The following KCNG1 variants were observed in gnomAD, a reference collection of about 807,000 sequenced individuals.
The protein encoded by KCNG1 is potassium voltage-gated channel modifier subfamily G member 1, also known as voltage-gated potassium channel regulatory subunit KCNG1.
Under a neutral mutation model 32.4 loss-of-function variants are expected in KCNG1, and 17 were observed. The observed-to-expected ratio is 0.52, with a 90% CI of 0.36 to 0.79. The LOEUF (loss-of-function observed/expected upper bound fraction) is 0.79, where lower values mean the gene tolerates loss of function less well. Among genes scored for constraint, KCNG1 ranks in the 30% least tolerant of loss-of-function variants. The pLI, the probability that KCNG1 is intolerant of heterozygous loss-of-function variation, is 0.00. For missense variants in KCNG1, 441 were observed against 735.2 expected, an observed-to-expected ratio of 0.60 and a Z score of 4.63; for synonymous variants, 358 against 339.9, an observed-to-expected ratio of 1.05 and a Z score of -0.59.
Position 51,004,959 on chromosome 20 carries a change from CCGAGGCCTGG to C in KCNG1, c.775-163_775-154del. 2.9e-6 allele frequency: 2 copies of C among 681,422 alleles called. No homozygotes were observed. The highest frequency in any genetic ancestry group is 2.4e-5 in the South Asian group (1 of 42,148). 42.2% of individuals were successfully genotyped at this position (681,422 alleles called of 1,614,324 possible). A position where few individuals can be genotyped will look rare whatever the true frequency, so the allele number is the denominator to read the frequency against. ...GGTCCTCTCCCTAGTTGTGCCCACTCCGAGGCCTGGGGCACTAAGCACCATCTCTACACTG... is the reference window on the plus strand; with the variant it reads ...GGTCCTCTCCCTAGTTGTGCCCACTCGGCACTAAGCACCATCTCTACACTG... On this transcript the variant is annotated intron_variant, in intron 2 of 2. Coordinates refer to ENST00000371571, the MANE Select transcript of KCNG1 (RefSeq NM_002237.4). The surrounding 1 kb of genome is among the most constrained non-coding windows in gnomAD (Gnocchi z 4.3).
chr20:51,017,490 C>A (rs995842576), intron 1 of KCNG1, among the ~76,000 whole-genome samples: 1 of 152,190 alleles, frequency 6.6e-6, no homozygotes, highest in African/African-American at 2.4e-5. Context: ...GATGAGACAG[C>A]CTGGCACAGG....
In KCNG1 at chr20:51,023,006, G is replaced by C. The variant is rs1988538322; in HGVS notation, c.-163C>G. On this transcript the variant is annotated 5_prime_UTR_variant, in exon 1 of 3. Coordinates refer to ENST00000371571, the MANE Select transcript of KCNG1 (RefSeq NM_002237.4). ...CCCGGGGAGCCCGCTCTGCCTCCCG[G>C]AGCCGCCGCCAAACTTCGGTCCCGG... is the stretch of plus-strand genomic sequence containing the variant. 6.6e-6 allele frequency: 1 copy of C among 152,264 alleles called. No homozygotes were observed. Among genetic ancestry groups the C allele is most frequent in the Non-Finnish European group, 1.5e-5 (1 of 68,098 alleles). The allele number at this position is 152,264 out of a possible 1,614,324, so 9.4% of individuals were successfully genotyped here. A position where few individuals can be genotyped will look rare whatever the true frequency, so the allele number is the denominator to read the frequency against.
chr20:51,016,964 C>A (rs1988302233), intron 1 of KCNG1, among the ~76,000 whole-genome samples: 1 of 152,178 alleles, frequency 6.6e-6, no homozygotes, highest in African/African-American at 2.4e-5. Flanking sequence ...TGCCCTGTGA[C>A]CCAGGAATCC....
intron 1 of KCNG1, among the ~76,000 whole-genome samples, chr20:51,011,341 T>A (rs1185018324): frequency 6.6e-6 from 1 of 152,210 alleles, no homozygotes; most frequent in Non-Finnish European, 1.5e-5. Flanking sequence ...AATTAACTTT[T>A]TTTTTTTTGG....
At chr20:51,009,047 T>C (rs140858000) in intron 2 of KCNG1, among the ~76,000 whole-genome samples, 1 of 152,278 alleles carries the variant, frequency 6.6e-6, no homozygotes, top group Non-Finnish European at 1.5e-5. Flanking sequence ...CATTCTCTTA[T>C]GTAACAAAAA....
chr20:51,021,922 A>G (rs1281395292), intron 1 of KCNG1, among the ~76,000 whole-genome samples: 7 of 152,052 alleles, frequency 4.6e-5, no homozygotes, highest in Non-Finnish European at 1.0e-4. Context: ...TCTAGAACCA[A>G]TTCCAGCTTC....
In KCNG1 at chr20:51,010,186, C is replaced by G; in HGVS notation, c.153G>C (p.Glu51Asp). ...RRAQRLRPQD[E>D]PRQGCQPEDR... ...CCTCGGGCTGACAGCCCTGGCGGGGCTCATCCTGCGGCCGCAGCCGCTGCG... is the reference window on the plus strand; with the variant it reads ...CCTCGGGCTGACAGCCCTGGCGGGGGTCATCCTGCGGCCGCAGCCGCTGCG... Residue 51 changes from glutamate to aspartate, a missense_variant, in exon 2 of 3, where the codon GAG becomes GAC. Physicochemically the swap from Glu to Asp is conservative, Grantham distance 45. Coordinates refer to ENST00000371571, the MANE Select transcript of KCNG1 (RefSeq NM_002237.4). 6.2e-7 allele frequency: 1 copy of G among 1,600,318 alleles called. No individual in the cohort carries two copies. Among genetic ancestry groups the G allele is most frequent in the Non-Finnish European group, 8.5e-7 (1 of 1,173,412 alleles).
At chr20:51,012,340 C>T (rs1211870914) in intron 1 of KCNG1, 2 of 152,208 alleles carry the variant, frequency 1.3e-5, no homozygotes, top group Non-Finnish European at 2.9e-5. Flanking sequence ...ACTGGTGCAC[C>T]CGTCTTCACG....
chr20:51,018,763 T>C (rs79348530), intron 1 of KCNG1, among the ~76,000 whole-genome samples: 1,604 of 152,312 alleles, frequency 0.011, 9 homozygotes, highest in Middle Eastern at 0.017. Context: ...TGAAAACTTA[T>C]GTCTGGCAAT....
intron 2 of KCNG1, among the ~76,000 whole-genome samples, chr20:51,007,664 G>A (rs1341947824): frequency 6.6e-6 from 1 of 152,002 alleles, no homozygotes; most frequent in Non-Finnish European, 1.5e-5. Context: ...AAATTCGAGA[G>A]TGCATGTAAA....
chr20:51,014,854 C>T lies in KCNG1; in HGVS notation c.-26-4490G>A, dbSNP rs893994649. Among the ~76,000 whole-genome samples the T allele has an allele frequency of 3.3e-5, 5 of 152,170 alleles. No homozygotes were observed. The East Asian group carries it at 5.8e-4, about 18-fold the overall frequency. ...TGGAGGAGGGGACATGGGGTTGAGC[C>T]GCATGGATAGATCCAGCCCCGTGAG... On this transcript the variant is annotated intron_variant, in intron 1 of 2. Coordinates refer to ENST00000371571, the MANE Select transcript of KCNG1 (RefSeq NM_002237.4).
At chr20:51,022,041 G>A (rs1988503305) in intron 1 of KCNG1, among the ~76,000 whole-genome samples, 1 of 152,128 alleles carries the variant, frequency 6.6e-6, no homozygotes, top group African/African-American at 2.4e-5. Context: ...CCCAAGCGGG[G>A]GCCTGGGTCT....
rs1048553260 is a variant in KCNG1, at chr20:51,023,107, C to A, written c.-264G>T. 1 of 152,162 alleles carries A rather than the reference C, an allele frequency of 6.6e-6. No individual in the cohort carries two copies. Among genetic ancestry groups the A allele is most frequent in the Non-Finnish European group, 1.5e-5 (1 of 68,028 alleles). The allele number at this position is 152,162 out of a possible 1,614,324, so 9.4% of individuals were successfully genotyped here. Reference sequence around the variant, plus strand: ...CCCGGTCCCCGCCGGGCTCCGAGTGCGCCGGGAGCGCGGCGCAGCAGCCGC... The same window carrying A: ...CCCGGTCCCCGCCGGGCTCCGAGTGAGCCGGGAGCGCGGCGCAGCAGCCGC... On this transcript the variant is annotated 5_prime_UTR_variant, in exon 1 of 3. Transcript: ENST00000371571.
rs957941262 is a variant in KCNG1, at chr20:51,004,444, G to A, written c.1137C>T (p.Leu379=). ...TGGCCACGCAGAGGAAGAGCAGCAGGAGCCCGAACTCGCGGGTGCAGCGGC... is the reference window on the plus strand; with the variant it reads ...TGGCCACGCAGAGGAAGAGCAGCAGAAGCCCGAACTCGCGGGTGCAGCGGC... ...TARRCTREFG[L]LLLFLCVAIA... The change falls in exon 3 of 3, where the codon CTC becomes CTT. Residue 379 remains leucine (L), a synonymous_variant. Coordinates refer to ENST00000371571, the MANE Select transcript of KCNG1 (RefSeq NM_002237.4). The surrounding 1 kb of genome is among the most constrained non-coding windows in gnomAD (Gnocchi z 4.3). 1.9e-6 allele frequency: 3 copies of A among 1,608,560 alleles called. No homozygotes were observed. In the African/African-American group the frequency reaches 4.0e-5, roughly 21 times the overall value.
chr20:51,013,402 A>G (rs1271674518), intron 1 of KCNG1, among the ~76,000 whole-genome samples: 1 of 152,150 alleles, frequency 6.6e-6, no homozygotes, highest in Admixed American at 6.5e-5. Flanking sequence ...CCAAACGGAA[A>G]CCCATTTCCA....
chr20:51,021,708 G>A (rs1988491053), intron 1 of KCNG1, among the ~76,000 whole-genome samples: 1 of 152,064 alleles, frequency 6.6e-6, no homozygotes, highest in African/African-American at 2.4e-5. Flanking sequence ...ATTTACCTGG[G>A]TAACTTTGGT....
rs1187484179 is a variant in KCNG1, at chr20:51,008,472, G to A, written c.774+1093C>T. On this transcript the variant is annotated intron_variant, in intron 2 of 2. Transcript: ENST00000371571. ...AGCCTCCCAAGTAGCTAGGACTACA[G>A]GTGCAAGCCACCACACCTGGCTAAT... 4.0e-5 allele frequency among the ~76,000 whole-genome samples: 6 copies of A among 151,124 alleles called. No homozygotes were observed. The Admixed American group carries it at 4.0e-4, about 10-fold the overall frequency.
At chr20:51,016,002 AAGG>A (rs1255451839) in intron 1 of KCNG1, among the ~76,000 whole-genome samples, 1 of 152,220 alleles carries the variant, frequency 6.6e-6, no homozygotes. Context: ...AGCCTGCAGA[AAGG>A]AGCACAGCCT....
Position 51,015,821 on chromosome 20 carries a change from C to A in KCNG1, c.-26-5457G>T, listed in dbSNP as rs184157520. 1.7e-3 allele frequency among the ~76,000 whole-genome samples: 252 copies of A among 152,270 alleles called. 1 individual carries two copies. Among genetic ancestry groups the A allele is most frequent in the Non-Finnish European group, 9.6e-4 (65 of 68,020 alleles). On this transcript the variant is annotated intron_variant, in intron 1 of 2. Coordinates refer to ENST00000371571, the MANE Select transcript of KCNG1 (RefSeq NM_002237.4). The surrounding 1 kb of genome is among the most constrained non-coding windows in gnomAD (Gnocchi z 4.4). ...ATGATCTGGGTGGGCCCAGTGTAATCAACAGGGTCCTTATTTGTGGAAAAA... is the reference window on the plus strand; with the variant it reads ...ATGATCTGGGTGGGCCCAGTGTAATAAACAGGGTCCTTATTTGTGGAAAAA...
Sources: allele counts gnomAD v4.1 joint callset (sites outside exome capture counted in the v4.1 genomes callset), GRCh38; gene constraint gnomAD v4.1.1; non-coding constraint Gnocchi (gnomAD v3.1); transcripts MANE v1.5; gene names NCBI Gene and HGNC (gene_info 2026-07-23, HGNC 2026-07-21).